PLCB4: variants seen among roughly 807,000 people sequenced by gnomAD.
PLCB4 encodes the protein 1-phosphatidylinositol 4,5-bisphosphate phosphodiesterase beta-4.
In PLCB4, 77 loss-of-function variants were observed where a neutral mutation model predicts 178.8. The ratio of observed to expected loss-of-function variants is 0.43; its 90% confidence interval spans 0.36 to 0.52. PLCB4 has a LOEUF of 0.52. Among genes scored for constraint, PLCB4 ranks in the 20% least tolerant of loss-of-function variants. The probability of loss-of-function intolerance (pLI) is 0.00; values close to 1 mark genes in which losing one functional copy is unlikely to be tolerated. For missense variants in PLCB4, 1,024 were observed against 1,453.4 expected (o/e 0.70, Z 4.80); for synonymous variants, 496 against 490.8 (o/e 1.01, Z -0.14).
intron 3 of PLCB4, among the ~76,000 whole-genome samples, chr20:9,276,154 T>C (rs2094448534): frequency 6.6e-6 from 1 of 152,050 alleles, no homozygotes; most frequent in South Asian, 2.1e-4. Flanking sequence ...CATATAACAA[T>C]ACTGGGCAGG....
chr20:9,249,488 A>T (rs1040115339), intron 3 of PLCB4, among the ~76,000 whole-genome samples: 20 of 151,916 alleles, frequency 1.3e-4, no homozygotes, highest in Admixed American at 3.9e-4. Context: ...TTATTTTTTT[A>T]AATTTTCTGT....
chr20:9,297,809 G>T (rs1029731875), intron 3 of PLCB4, among the ~76,000 whole-genome samples: 1 of 152,126 alleles, frequency 6.6e-6, no homozygotes, highest in African/African-American at 2.4e-5. Context: ...ATTTTGGAGG[G>T]CTGGCATAGG....
Position 9,146,544 on chromosome 20 carries a change from G to A in PLCB4, c.-79+50202G>A, listed in dbSNP as rs191321144. On this transcript the variant is annotated intron_variant, in intron 2 of 39. Coordinates refer to ENST00000378473, the MANE Select transcript of PLCB4 (RefSeq NM_001377142.1). ...GTAATTCATGAATTGGGCAGCATCAGGTAGTAAGTGGTTCAGGGCTCCGCT... is the reference window on the plus strand; with the variant it reads ...GTAATTCATGAATTGGGCAGCATCAAGTAGTAAGTGGTTCAGGGCTCCGCT... 3.3e-5 allele frequency among the ~76,000 whole-genome samples: 5 copies of A among 152,074 alleles called. No individual in the cohort carries two copies. In the East Asian group the frequency reaches 7.7e-4, roughly 24 times the overall value.
chr20:9,405,801 C>T (rs2148488075), intron 21 of PLCB4, among the ~76,000 whole-genome samples: 1 of 152,262 alleles, frequency 6.6e-6, no homozygotes, highest in East Asian at 1.9e-4. Flanking sequence ...CTTCAAAGTT[C>T]TTCAAGTGAT....
At chr20:9,404,075 G>C (rs1320851212) in intron 20 of PLCB4, among the ~76,000 whole-genome samples, 3 of 152,168 alleles carry the variant, frequency 2.0e-5, no homozygotes, top group Non-Finnish European at 2.9e-5. Context: ...TCAAGGGAGT[G>C]TTTTCTTTTT....
rs149783804 is a variant in PLCB4, at chr20:9,476,723, A to G, written c.3502A>G (p.Lys1168Glu). The G allele has an allele frequency of 2.8e-5, 45 of 1,608,492 alleles. No homozygotes were observed. The African/African-American group carries it at 5.8e-4, about 21-fold the overall frequency. Residue 1168 changes from lysine to glutamate, a missense_variant, in exon 39 of 40, where the codon AAA becomes GAA. By Grantham distance (56) the Lys-to-Glu change is moderately conservative. Coordinates refer to ENST00000378473, the MANE Select transcript of PLCB4 (RefSeq NM_001377142.1). The part of the protein sequence containing the change: ...FLEKQNEQLL[K>E]SCHAVSQTQG... ...ACTATTTTTGTACAAACAGCTTTTG[A>G]AATCCTGTCATGCAGTGTCCCAAAC...
intron 2 of PLCB4, among the ~76,000 whole-genome samples, chr20:9,139,902 T>C (rs752796092): frequency 5.3e-5 from 8 of 152,070 alleles, no homozygotes; most frequent in Non-Finnish European, 7.4e-5. Flanking sequence ...AGTCTTGTGC[T>C]ATTAAAGATT....
At chr20:9,443,432 T>G (rs2042226665) in intron 30 of PLCB4, among the ~76,000 whole-genome samples, 1 of 152,184 alleles carries the variant, frequency 6.6e-6, no homozygotes, top group Non-Finnish European at 1.5e-5. Context: ...CTCCTATGAA[T>G]TTTGGCTGAT....
At chr20:9,377,466 C>T (rs1203817738) in intron 12 of PLCB4, among the ~76,000 whole-genome samples, 3 of 152,180 alleles carry the variant, frequency 2.0e-5, no homozygotes, top group Non-Finnish European at 4.4e-5. Flanking sequence ...AGTTTTCTGA[C>T]TCTAATGCAA....
In PLCB4 at chr20:9,267,871, C is replaced by T. The variant is rs570809076; in HGVS notation, c.-15-39929C>T. The stretch of plus-strand genomic sequence containing the variant: ...TAGCATGGGAGTGGGTCTGTGGCTT[C>T]AGAAAAAGAGTAGGAGACACCTGAC... On this transcript the variant is annotated intron_variant, in intron 3 of 39. Coordinates refer to ENST00000378473, the MANE Select transcript of PLCB4 (RefSeq NM_001377142.1). Among the ~76,000 whole-genome samples, 52 of 152,182 alleles carry T rather than the reference C, an allele frequency of 3.4e-4. 1 individual carries two copies. Among genetic ancestry groups the T allele is most frequent in the African/African-American group, 1.2e-3 (49 of 41,546 alleles).
intron 3 of PLCB4, among the ~76,000 whole-genome samples, chr20:9,239,127 G>A (rs2094027435): frequency 6.6e-6 from 1 of 151,980 alleles, no homozygotes; most frequent in Admixed American, 6.6e-5. Flanking sequence ...AGTTTAAATA[G>A]CATTTTTCTG....
intron 2 of PLCB4, among the ~76,000 whole-genome samples, chr20:9,151,614 C>T (rs962672211): frequency 2.6e-5 from 4 of 152,176 alleles, no homozygotes; most frequent in African/African-American, 9.7e-5. Flanking sequence ...TCTGAGGCCT[C>T]CCCAGCCATG....
intron 33 of PLCB4, 112 bp downstream of exon 33, chr20:9,453,574 A>G (rs2042896397): frequency 1.6e-6 from 1 of 613,080 alleles, no homozygotes; most frequent in South Asian, 2.1e-5. Flanking sequence ...CTTGATTTTC[A>G]TCATTAAAAA....
At position 9,074,078 on chromosome 20, in the gene PLCB4, G is replaced by A. The variant is rs148114797; in HGVS notation, c.-135+4872G>A. ...GCAGTGGTTGCTGAGATCTTCAGGC[G>A]TTGGAATCAGGCACTGAATTCCTGA... On this transcript the variant is annotated intron_variant, in intron 1 of 39. Coordinates refer to ENST00000378473, the MANE Select transcript of PLCB4 (RefSeq NM_001377142.1). Among the ~76,000 whole-genome samples the A allele has an allele frequency of 6.0e-3, 913 of 152,234 alleles. 7 individuals are homozygous for A. The highest frequency in any genetic ancestry group is 0.02 in the African/African-American group (838 of 41,534).
chr20:9,107,658 G>T (rs1454460065), intron 2 of PLCB4, among the ~76,000 whole-genome samples: 3 of 152,058 alleles, frequency 2.0e-5, no homozygotes, highest in Non-Finnish European at 2.9e-5. Context: ...GGAGGGTGGC[G>T]TAGGGAGGAG....
Position 9,467,079 on chromosome 20 carries a change from A to C in PLCB4, c.3249-1492A>C, listed in dbSNP as rs549842192. ...ATTAAAAAAATGTGGCACATATACA[A>C]CATGGAATACTATGCAGCCATAAAA... On this transcript the variant is annotated intron_variant, in intron 35 of 39. Transcript: ENST00000378473. Among the ~76,000 whole-genome samples, 260 of 152,304 alleles carry C rather than the reference A, an allele frequency of 1.7e-3. 3 individuals carry two copies. The South Asian group carries it at 0.022, about 13-fold the overall frequency.
At position 9,395,509 on chromosome 20, in the gene PLCB4, G is replaced by A; in HGVS notation, c.1415-14G>A. ...AGCATCTGTCACCATCTCTTTGCGT[G>A]TTTTTGCTAACAGAACAGCTGGAAG... On this transcript the variant is annotated splice_polypyrimidine_tract_variant and intron_variant, in intron 18 of 39. Transcript: ENST00000378473. 2 of 1,599,860 alleles carry A rather than the reference G, an allele frequency of 1.3e-6. No individual in the cohort carries two copies. Among genetic ancestry groups the A allele is most frequent in the Middle Eastern group, 3.3e-4 (2 of 6,034 alleles).
rs886056987 is a variant in PLCB4, at chr20:9,479,878, G to T, written c.*869G>T. ...AGGAATACTAGAACTATGTTTGCAT[G>T]ATACACAAGCACCAATAAAGACTAA... On this transcript the variant is annotated 3_prime_UTR_variant, in exon 40 of 40. Transcript: ENST00000378473. 6.6e-6 allele frequency: 1 copy of T among 152,456 alleles called. No homozygotes were observed. The highest frequency in any genetic ancestry group is 1.5e-5 in the Non-Finnish European group (1 of 68,022). 9.4% of individuals were successfully genotyped at this position (152,456 alleles called of 1,614,324 possible).
In PLCB4 at chr20:9,127,832, C is replaced by G. The variant is rs931270197; in HGVS notation, c.-79+31490C>G. On this transcript the variant is annotated intron_variant, in intron 2 of 39. Coordinates refer to ENST00000378473, the MANE Select transcript of PLCB4 (RefSeq NM_001377142.1). The stretch of plus-strand genomic sequence containing the variant: ...CCTGAGTAGCTGGGATTACAGGTGC[C>G]TGCCACCACACCCGGCTACTTTTTG... Among the ~76,000 whole-genome samples the G allele has an allele frequency of 5.9e-5, 9 of 152,136 alleles. No individual in the cohort carries two copies. The East Asian group carries it at 1.6e-3, about 26-fold the overall frequency.
Sources: gnomAD v4.1 joint callset for allele counts (sites outside exome capture counted in the v4.1 genomes callset) on GRCh38, gnomAD v4.1.1 for gene constraint, MANE v1.5 for transcripts, NCBI Gene and HGNC (gene_info 2026-07-23, HGNC 2026-07-21) for gene names.